The following C1orf21 variants were observed in gnomAD, a reference collection of about 807,000 sequenced individuals.
C1orf21 encodes uncharacterized protein C1orf21.
C1orf21 carries 3 observed loss-of-function variants against 18.7 expected under a neutral mutation model. The ratio of observed to expected loss-of-function variants is 0.16; its 90% CI spans 0.07 to 0.42. The LOEUF (loss-of-function observed/expected upper bound fraction) is 0.42. Among genes scored for constraint, C1orf21 ranks in the 10% least tolerant of loss-of-function variants. The probability of loss-of-function intolerance (pLI) is 0.99; values close to 1 mark genes in which losing one functional copy is unlikely to be tolerated. For missense variants in C1orf21, 104 were observed against 143.6 expected, an observed-to-expected ratio of 0.72 and a Z score of 1.41; for synonymous variants, 41 against 46.4, an observed-to-expected ratio of 0.88 and a Z score of 0.47.
chr1:184,447,870 A>G (rs1243873274), intron 1 of C1orf21, among the ~76,000 whole-genome samples: 2 of 152,202 alleles, frequency 1.3e-5, no homozygotes, highest in South Asian at 2.1e-4. Flanking sequence ...GTGGCTGATA[A>G]TATCTTAGTA....
intron 2 of C1orf21, among the ~76,000 whole-genome samples, chr1:184,501,007 T>C (rs967537868): frequency 2.2e-4 from 34 of 152,236 alleles, no homozygotes; most frequent in Admixed American, 7.9e-4. Context: ...AACAGACTGG[T>C]CCATCTCAGG....
intron 2 of C1orf21, among the ~76,000 whole-genome samples, chr1:184,488,834 G>A (rs1472058506): frequency 1.3e-5 from 2 of 152,140 alleles, no homozygotes; most frequent in African/African-American, 2.4e-5. Flanking sequence ...ATGTGGCAGC[G>A]TGCGCCTGTA....
intron 3 of C1orf21, among the ~76,000 whole-genome samples, chr1:184,564,329 G>A (rs1474085222): frequency 6.6e-6 from 1 of 152,112 alleles, no homozygotes; most frequent in Non-Finnish European, 1.5e-5. Context: ...TTTATTTTGA[G>A]ACAAAGTCTT....
chr1:184,614,760 G>T (rs1659793341), intron 5 of C1orf21, among the ~76,000 whole-genome samples: 1 of 152,192 alleles, frequency 6.6e-6, no homozygotes, highest in South Asian at 2.1e-4. Flanking sequence ...TCAGGCATTG[G>T]ATTCTCATAA....
chr1:184,406,624 C>A (rs1467053446), intron 1 of C1orf21, among the ~76,000 whole-genome samples: 1 of 152,112 alleles, frequency 6.6e-6, no homozygotes, highest in African/African-American at 2.4e-5. Flanking sequence ...CTTTAAAGGG[C>A]TATTCAGGAA....
chr1:184,507,551 A>C, intron 2 of C1orf21, 37 bp from the exon 3 acceptor site: 3 of 1,544,896 alleles, frequency 1.9e-6, no homozygotes, highest in Non-Finnish European at 2.6e-6. Context: ...TATTGGGAAA[A>C]AAATTATAAA....
At chr1:184,607,052 G>A (rs553374886) in intron 5 of C1orf21, among the ~76,000 whole-genome samples, 200 of 152,270 alleles carry the variant, frequency 1.3e-3, no homozygotes, top group African/African-American at 4.7e-3. Context: ...ATTCTATCAA[G>A]TGCAGGCACA....
intron 1 of C1orf21, among the ~76,000 whole-genome samples, chr1:184,448,393 A>G (rs1230696502): frequency 6.6e-6 from 1 of 152,152 alleles, no homozygotes; most frequent in Non-Finnish European, 1.5e-5. Context: ...TTATCTTTCA[A>G]GTCTTAAGGA....
At chr1:184,579,359 A>G (rs1441106935) in intron 3 of C1orf21, among the ~76,000 whole-genome samples, 1 of 90,142 alleles carries the variant, frequency 1.1e-5, no homozygotes, top group Non-Finnish European at 2.4e-5. Context: ...ACCTAAAGGT[A>G]TTTTTTTAAT....
chr1:184,580,681 T>C (rs1232295316), intron 3 of C1orf21, among the ~76,000 whole-genome samples: 1 of 152,250 alleles, frequency 6.6e-6, no homozygotes, highest in Non-Finnish European at 1.5e-5. Flanking sequence ...TTCACCATTC[T>C]TCCACTTAAG....
chr1:184,453,185 T>C (rs546197931), intron 1 of C1orf21, among the ~76,000 whole-genome samples: 7 of 152,290 alleles, frequency 4.6e-5, no homozygotes, highest in African/African-American at 1.7e-4. Flanking sequence ...AAGCTTATTT[T>C]AAAGAACTGA....
At chr1:184,418,668 C>G (rs1172981897) in intron 1 of C1orf21, among the ~76,000 whole-genome samples, 1 of 152,168 alleles carries the variant, frequency 6.6e-6, no homozygotes, top group Non-Finnish European at 1.5e-5. Context: ...GAATGCCTTT[C>G]TTTTGTGGAT....
chr1:184,513,804 T>G (rs1347872450), intron 3 of C1orf21, among the ~76,000 whole-genome samples: 1 of 152,234 alleles, frequency 6.6e-6, no homozygotes, highest in Non-Finnish European at 1.5e-5. Context: ...CTTTGGAAAG[T>G]CTTGATGAAG....
intron 1 of C1orf21, among the ~76,000 whole-genome samples, chr1:184,459,622 A>G (rs116076451): frequency 0.012 from 1,846 of 152,272 alleles, 46 homozygotes; most frequent in African/African-American, 0.043. Flanking sequence ...GTACTTTGGC[A>G]TTGAACACCT....
At chr1:184,536,854 A>T (rs1216686168) in intron 3 of C1orf21, among the ~76,000 whole-genome samples, 2 of 151,798 alleles carry the variant, frequency 1.3e-5, no homozygotes, top group South Asian at 4.2e-4. Flanking sequence ...TGTGGAAAAA[A>T]AAAAAAAGAT....
intron 2 of C1orf21, among the ~76,000 whole-genome samples, chr1:184,502,204 G>C (rs1657986158): frequency 6.6e-6 from 1 of 152,176 alleles, no homozygotes; most frequent in African/African-American, 2.4e-5. Flanking sequence ...CTAGAGGCTG[G>C]GATGTCCAAG....
At chr1:184,434,417 A>C (rs577517020) in intron 1 of C1orf21, among the ~76,000 whole-genome samples, 13 of 152,362 alleles carry the variant, frequency 8.5e-5, no homozygotes, top group African/African-American at 3.1e-4. Context: ...TGTATTGGCC[A>C]CCAAGTGCAT....
chr1:184,552,749 A>C (rs1477712185), intron 3 of C1orf21, among the ~76,000 whole-genome samples: 1 of 152,230 alleles, frequency 6.6e-6, no homozygotes, highest in Non-Finnish European at 1.5e-5. Flanking sequence ...AATTTTGTAG[A>C]TAAACAGCAG....
At chr1:184,537,402 G>C (rs1402914991) in intron 3 of C1orf21, among the ~76,000 whole-genome samples, 4 of 152,142 alleles carry the variant, frequency 2.6e-5, no homozygotes, top group Non-Finnish European at 5.9e-5. Context: ...GTCATTTTGA[G>C]AATGGCTTGT....
Sources: gnomAD v4.1 joint callset for allele counts (sites outside exome capture counted in the v4.1 genomes callset) on GRCh38, gnomAD v4.1.1 for gene constraint, MANE v1.5 for transcripts, NCBI Gene and HGNC (gene_info 2026-07-23, HGNC 2026-07-21) for gene names.